MS4A8: variants seen among roughly 807,000 people sequenced by gnomAD.
MS4A8 encodes the protein membrane spanning 4-domains A8, also known as membrane-spanning 4-domains subfamily A member 8.
MS4A8 carries 27 observed loss-of-function variants against 23.7 expected under a neutral mutation model. That is an observed-to-expected ratio of 1.14 (90% CI 0.84 to 1.57). The LOEUF (loss-of-function observed/expected upper bound fraction) is 1.57. Among genes scored for constraint, MS4A8 ranks in the 40% most tolerant of loss-of-function variants. The pLI is 0.00. For synonymous variants in MS4A8, 138 were observed against 126.3 expected, an observed-to-expected ratio of 1.09 and a Z score of -0.62; for missense variants, 301 against 311.4, an observed-to-expected ratio of 0.97 and a Z score of 0.25.
At chr11:60,715,185 A>G in intron 6 of MS4A8, 51 bp downstream of exon 6, 1 of 1,520,226 alleles carries the variant, frequency 6.6e-7, no homozygotes, top group Non-Finnish European at 9.1e-7. Context: ...AAAAAGGTGG[A>G]GACAAGGGAG....
chr11:60,715,704 G>T lies in MS4A8; in HGVS notation c.*290G>T. 5.0e-6 allele frequency: 2 copies of T among 403,376 alleles called. No individual in the cohort carries two copies. Among genetic ancestry groups the T allele is most frequent in the Non-Finnish European group, 9.1e-6 (2 of 220,264 alleles). The allele number at this position is 403,376 out of a possible 1,614,324, so 25.0% of individuals were successfully genotyped here. On this transcript the variant is annotated 3_prime_UTR_variant, in exon 7 of 7. Coordinates refer to ENST00000300226, the MANE Select transcript of MS4A8 (RefSeq NM_031457.2). ...GGGGCCTTGGCACACACACATTCGT[G>T]TGCTCTGCTGCATGTGAGCTTGTGG...
At position 60,715,076 on chromosome 11, in the gene MS4A8, G is replaced by A. The variant is rs1294756554; in HGVS notation, c.590G>A (p.Gly197Asp). Residue 197 changes from glycine (G) to aspartate (D), a missense_variant, in exon 6 of 7, where the codon GGC becomes GAC. Gly to Asp is a moderately conservative substitution (Grantham distance 94, BLOSUM62 -1). Coordinates refer to ENST00000300226, the MANE Select transcript of MS4A8 (RefSeq NM_031457.2). ...VLLVFCLLEF[G>D]IACASSHFGC... ...CTGGTCTTCTGCCTCCTGGAGTTTG[G>A]CATCGCATGCGCATCTTCCCACTTT... The A allele has an allele frequency of 2.5e-6, 4 of 1,614,106 alleles. No individual in the cohort carries two copies. The highest frequency in any genetic ancestry group is 3.4e-6 in the Non-Finnish European group (4 of 1,180,010).
rs1389085031 is a variant in MS4A8, at chr11:60,715,436, C to T, written c.*22C>T. The stretch of plus-strand genomic sequence containing the variant: ...GTAAGGCTACAGATTCTGGAAGCAT[C>T]TTTCACTGGGACCAAAAGAAGTCCT... On this transcript the variant is annotated 3_prime_UTR_variant, in exon 7 of 7. Transcript: ENST00000300226. 1 of 1,590,216 alleles carries T rather than the reference C, an allele frequency of 6.3e-7. No homozygotes were observed. Among genetic ancestry groups the T allele is most frequent in the Non-Finnish European group, 8.6e-7 (1 of 1,159,750 alleles).
chr11:60,715,181 G>C, intron 6 of MS4A8, 47 bp downstream of exon 6: 1 of 1,531,720 alleles, frequency 6.5e-7, no homozygotes, highest in Non-Finnish European at 9.0e-7. Context: ...CCCCAAAAAG[G>C]TGGAGACAAG....
intron 5 of MS4A8, 57 bp from the exon 6 acceptor site, chr11:60,714,964 G>A: frequency 8.2e-7 from 1 of 1,214,662 alleles, no homozygotes; most frequent in Non-Finnish European, 1.2e-6. Flanking sequence ...CCCAGTGAGA[G>A]GTCAGTTCGG....
At chr11:60,714,592 G>T (rs761994690) in intron 5 of MS4A8, among the ~76,000 whole-genome samples, 55 of 151,902 alleles carry the variant, frequency 3.6e-4, no homozygotes, top group Non-Finnish European at 6.6e-4. Context: ...TTTTCCTGTG[G>T]CCTCCCCCTT....
intron 4 of MS4A8, 144 bp downstream of exon 4, chr11:60,707,191 C>A: frequency 1.2e-6 from 1 of 805,176 alleles, no homozygotes; most frequent in South Asian, 1.5e-5. Context: ...CATTCCCGCT[C>A]ATACAGACTG....
chr11:60,706,013 G>C (rs924136049), intron 3 of MS4A8, among the ~76,000 whole-genome samples: 1 of 152,164 alleles, frequency 6.6e-6, no homozygotes, highest in African/African-American at 2.4e-5. Flanking sequence ...TTGGGGGGAG[G>C]GCGGTGATGG....
chr11:60,715,289 C>T lies in MS4A8; in HGVS notation c.649-21C>T, dbSNP rs369690956. 228 of 1,607,192 alleles carry T rather than the reference C, an allele frequency of 1.4e-4. 2 individuals carry two copies. The South Asian group carries it at 1.9e-3, about 13-fold the overall frequency. On this transcript the variant is annotated intron_variant, in intron 6 of 6. Coordinates refer to ENST00000300226, the MANE Select transcript of MS4A8 (RefSeq NM_031457.2). ...TGGCCCGTCCTTCTTAGCATGCCCC[C>T]TGTGTGCCTGTGTTTTCCAGGTGAG...
chr11:60,701,724 T>C (rs2088206246), intron 2 of MS4A8, among the ~76,000 whole-genome samples: 1 of 152,212 alleles, frequency 6.6e-6, no homozygotes, highest in Non-Finnish European at 1.5e-5. Context: ...TGGAACTTCA[T>C]CCTCCAGATA....
chr11:60,704,213 C>G lies in MS4A8; in HGVS notation c.342+713C>G, dbSNP rs190181238. On this transcript the variant is annotated intron_variant, in intron 3 of 6. Transcript: ENST00000300226. The stretch of plus-strand genomic sequence containing the variant: ...TCGGCTCACCGCAACCTCCCCCTCC[C>G]GGATTCAAGCAATTCTCCTGCCTCA... 1.9e-3 allele frequency among the ~76,000 whole-genome samples: 289 copies of G among 151,320 alleles called. 4 individuals are homozygous for G. The highest frequency in any genetic ancestry group is 6.8e-3 in the African/African-American group (281 of 41,152).
At chr11:60,711,500 C>T (rs983880396) in intron 5 of MS4A8, among the ~76,000 whole-genome samples, 1 of 152,166 alleles carries the variant, frequency 6.6e-6, no homozygotes, top group Non-Finnish European at 1.5e-5. Flanking sequence ...GGTATTTGCC[C>T]TCCCTGGGGG....
At chr11:60,711,246 C>T (rs1319469978) in intron 5 of MS4A8, among the ~76,000 whole-genome samples, 1 of 152,180 alleles carries the variant, frequency 6.6e-6, no homozygotes, top group Non-Finnish European at 1.5e-5. Context: ...AATGAATGTG[C>T]CAGCTGTGAT....
At chr11:60,707,629 TC>T (rs1354418012) in intron 4 of MS4A8, among the ~76,000 whole-genome samples, 1 of 152,088 alleles carries the variant, frequency 6.6e-6, no homozygotes, top group African/African-American at 2.4e-5. Context: ...CCAGATGAGA[TC>T]TATTTGAAAG....
In MS4A8 at chr11:60,701,821, A is replaced by G. The variant is rs538985405; in HGVS notation, c.219+742A>G. ...AACAAAAATATTGTAATATCCATCA[A>G]TATAATACCGGTTAAGTCAGTATAT... On this transcript the variant is annotated intron_variant, in intron 2 of 6. Coordinates refer to ENST00000300226, the MANE Select transcript of MS4A8 (RefSeq NM_031457.2). Among the ~76,000 whole-genome samples, 3 of 152,350 alleles carry G rather than the reference A, an allele frequency of 2.0e-5. No homozygotes were observed. The East Asian group carries it at 5.8e-4, about 29-fold the overall frequency.
intron 2 of MS4A8, among the ~76,000 whole-genome samples, chr11:60,701,874 A>T (rs2088207785): frequency 6.6e-6 from 1 of 152,220 alleles, no homozygotes; most frequent in Non-Finnish European, 1.5e-5. Flanking sequence ...TATACTGGTT[A>T]AGTCAGTGCA....
intron 5 of MS4A8, among the ~76,000 whole-genome samples, chr11:60,713,278 A>G (rs1417537407): frequency 3.3e-5 from 5 of 152,232 alleles, no homozygotes; most frequent in African/African-American, 1.2e-4. Flanking sequence ...GATAAAGTAC[A>G]GAGAAAGAAA....
rs1338356380 is a variant in MS4A8, at chr11:60,707,169, G to A, written c.402+122G>A. 50 of 924,148 alleles carry A rather than the reference G, an allele frequency of 5.4e-5. No individual in the cohort carries two copies. In the Admixed American group the frequency reaches 6.8e-4, roughly 13 times the overall value. The allele number at this position is 924,148 out of a possible 1,614,324, so 57.2% of individuals were successfully genotyped here. ...TTGCACCTACTATAACCAGACACAC[G>A]GTGCTCACACACATTCCCGCTCATA... On this transcript the variant is annotated intron_variant, in intron 4 of 6. Transcript: ENST00000300226.
In MS4A8 at chr11:60,708,725, C is replaced by A; in HGVS notation, c.478C>A (p.Leu160Ile). ...TGGAGTCATACTCTTCATCACAGATCTAAGTATTCCCCACCCATATGCCTA... is the reference window on the plus strand; with the variant it reads ...TGGAGTCATACTCTTCATCACAGATATAAGTATTCCCCACCCATATGCCTA... ...AVGVILFITDLSIPHPYAYPD... is the reference protein window; with the variant it reads ...AVGVILFITDISIPHPYAYPD... Residue 160 changes from leucine to isoleucine, a missense_variant, in exon 5 of 7, where the codon CTA becomes ATA. By Grantham distance (5) the Leu-to-Ile change is conservative. Coordinates refer to ENST00000300226, the MANE Select transcript of MS4A8 (RefSeq NM_031457.2). 1 of 1,612,638 alleles carries A rather than the reference C, an allele frequency of 6.2e-7. No homozygotes were observed. The highest frequency in any genetic ancestry group is 1.1e-5 in the South Asian group (1 of 90,722).
Sources: gnomAD v4.1 joint callset for allele counts (sites outside exome capture counted in the v4.1 genomes callset) on GRCh38, gnomAD v4.1.1 for gene constraint, MANE v1.5 for transcripts, NCBI Gene and HGNC (gene_info 2026-07-23, HGNC 2026-07-21) for gene names.